GRM2: variants seen among roughly 807,000 people sequenced by gnomAD.
GRM2 encodes glutamate metabotropic receptor 2.
GRM2 carries 35 observed loss-of-function variants against 60.4 expected under a neutral mutation model. The observed-to-expected ratio is 0.58, with a 90% CI of 0.44 to 0.77. GRM2 has a LOEUF of 0.77. GRM2 is among the 30% of genes least tolerant of loss of function. The pLI is 0.00. For synonymous variants in GRM2, 437 were observed against 484.1 expected (o/e 0.90, Z 1.28); for missense variants, 925 against 1,199.5 (o/e 0.77, Z 3.38).
In GRM2 at chr3:51,717,552, C is replaced by T; in HGVS notation, c.2365-85C>T. ...AGTGTTGGATGCTTAGTCTCCCCCA[C>T]TCCCTCCCCCACAGATCAGGCAGGG... On this transcript the variant is annotated intron_variant, in intron 4 of 5. Coordinates refer to ENST00000395052, the MANE Select transcript of GRM2 (RefSeq NM_000839.5). This position sits in a 1 kb window ranked among gnomAD's most constrained non-coding sequence, Gnocchi z 6.0. 1.8e-6 allele frequency: 2 copies of T among 1,089,744 alleles called. No individual in the cohort carries two copies. Among genetic ancestry groups the T allele is most frequent in the Non-Finnish European group, 2.7e-6 (2 of 735,346 alleles). 67.5% of individuals were successfully genotyped at this position (1,089,744 alleles called of 1,614,324 possible).
chr3:51,712,364 G>A lies in GRM2; in HGVS notation c.451-109G>A. The A allele has an allele frequency of 1.3e-6, 1 of 750,986 alleles. No individual in the cohort carries two copies. Among genetic ancestry groups the A allele is most frequent in the Non-Finnish European group, 2.3e-6 (1 of 430,918 alleles). The allele number at this position is 750,986 out of a possible 1,614,324, so 46.5% of individuals were successfully genotyped here. Reference sequence around the variant, plus strand: ...AGGGCTTTAGAGAGGGAGCCTTTAGGCCTGACCTTGTGGACACTTGACACC... The same window carrying A: ...AGGGCTTTAGAGAGGGAGCCTTTAGACCTGACCTTGTGGACACTTGACACC... On this transcript the variant is annotated intron_variant, in intron 2 of 5. Transcript: ENST00000395052. The surrounding 1 kb of genome is among the most constrained non-coding windows in gnomAD (Gnocchi z 5.3).
At position 51,709,554 on chromosome 3, in the gene GRM2, G is replaced by A. The variant is rs1577551947; in HGVS notation, c.450+121G>A. 4 of 688,258 alleles carry A rather than the reference G, an allele frequency of 5.8e-6. No homozygotes were observed. The East Asian group carries it at 1.1e-4, about 19-fold the overall frequency. The allele number at this position is 688,258 out of a possible 1,614,324, so 42.6% of individuals were successfully genotyped here. A position where few individuals can be genotyped will look rare whatever the true frequency, so the allele number is the denominator to read the frequency against. On this transcript the variant is annotated intron_variant, in intron 2 of 5. Coordinates refer to ENST00000395052, the MANE Select transcript of GRM2 (RefSeq NM_000839.5). ...TGGAAGGGAAACTAGAAGCTTCCTTGCAGTAGCTTTTACAGAAGCTAAGAA... is the reference window on the plus strand; with the variant it reads ...TGGAAGGGAAACTAGAAGCTTCCTTACAGTAGCTTTTACAGAAGCTAAGAA...
rs1371252465 is a variant in GRM2, at chr3:51,712,450, T to C, written c.451-23T>C. The C allele has an allele frequency of 6.6e-7, 1 of 1,505,216 alleles. No individual in the cohort carries two copies. The highest frequency in any genetic ancestry group is 1.4e-5 in the African/African-American group (1 of 72,872). 93.2% of individuals were successfully genotyped at this position (1,505,216 alleles called of 1,614,324 possible). A position where few individuals can be genotyped will look rare whatever the true frequency, so the allele number is the denominator to read the frequency against. On this transcript the variant is annotated intron_variant, in intron 2 of 5. Coordinates refer to ENST00000395052, the MANE Select transcript of GRM2 (RefSeq NM_000839.5). The surrounding 1 kb of genome is among the most constrained non-coding windows in gnomAD (Gnocchi z 5.3). ...AGTGTTTGATCTGACCGCTGATCTTTGCCTTCTCTACTCCTCCCCCAGGTG... is the reference window on the plus strand; with the variant it reads ...AGTGTTTGATCTGACCGCTGATCTTCGCCTTCTCTACTCCTCCCCCAGGTG...
chr3:51,714,978 G>A (rs1355482147), intron 3 of GRM2, 84 bp from the exon 4 acceptor site: 2 of 795,472 alleles, frequency 2.5e-6, no homozygotes, highest in Non-Finnish European at 4.1e-6. Flanking sequence ...TCTGGCATTT[G>A]GGTTCCATGT....
chr3:51,709,551 C>A, intron 2 of GRM2, 118 bp downstream of exon 2: 1 of 687,848 alleles, frequency 1.5e-6, no homozygotes, highest in South Asian at 2.1e-5. Context: ...TAGAAGCTTC[C>A]TTGCAGTAGC....
chr3:51,713,171 T>C lies in GRM2; in HGVS notation c.1149T>C (p.Asn383=). ...EQESKIMFVV[N]AVYAMAHALH... ...AGTCCAAGATCATGTTTGTGGTCAA[T>C]GCAGTGTACGCCATGGCCCATGCGC... is the stretch of plus-strand genomic sequence containing the variant. Residue 383 remains asparagine, a synonymous_variant, in exon 3 of 6, where the codon AAT becomes AAC. Coordinates refer to ENST00000395052, the MANE Select transcript of GRM2 (RefSeq NM_000839.5). This position sits in a 1 kb window ranked among gnomAD's most constrained non-coding sequence, Gnocchi z 4.8. The C allele has an allele frequency of 6.2e-6, 10 of 1,613,192 alleles. No homozygotes were observed. The highest frequency in any genetic ancestry group is 8.5e-6 in the Non-Finnish European group (10 of 1,180,028).
chr3:51,708,886 T>C lies in GRM2; in HGVS notation c.-98T>C. 1.1e-6 allele frequency: 1 copy of C among 897,148 alleles called. No homozygotes were observed. The allele number at this position is 897,148 out of a possible 1,614,324, so 55.6% of individuals were successfully genotyped here. ...TCGCATCTCTCTTCTTGTCTGTCCT[T>C]TCCTGGTCCCTGTTTCCTCCTCTCT... On this transcript the variant is annotated 5_prime_UTR_variant, in exon 2 of 6. Coordinates refer to ENST00000395052, the MANE Select transcript of GRM2 (RefSeq NM_000839.5).
chr3:51,709,533 A>C, intron 2 of GRM2, 100 bp downstream of exon 2: 1 of 822,460 alleles, frequency 1.2e-6, no homozygotes, highest in South Asian at 1.9e-5. Context: ...GTGAATTGGA[A>C]GGGAAACTAG....
chr3:51,709,497 T>C, intron 2 of GRM2, 64 bp downstream of exon 2: 1 of 1,193,520 alleles, frequency 8.4e-7, no homozygotes, highest in East Asian at 2.6e-5. Context: ...CCAGAATTCC[T>C]GCTGAAAAGG....
At chr3:51,709,561 C>G in intron 2 of GRM2, 128 bp downstream of exon 2, 1 of 658,502 alleles carries the variant, frequency 1.5e-6, no homozygotes, top group East Asian at 2.8e-5. Flanking sequence ...CTTGCAGTAG[C>G]TTTTACAGAA....
Position 51,717,569 on chromosome 3 carries a change from C to A in GRM2, c.2365-68C>A. On this transcript the variant is annotated intron_variant, in intron 4 of 5. Coordinates refer to ENST00000395052, the MANE Select transcript of GRM2 (RefSeq NM_000839.5). The surrounding 1 kb of genome is among the most constrained non-coding windows in gnomAD (Gnocchi z 6.0). ...CTCCCCCACTCCCTCCCCCACAGATCAGGCAGGGGGTCCTGGGGTCAGGCC... is the reference window on the plus strand; with the variant it reads ...CTCCCCCACTCCCTCCCCCACAGATAAGGCAGGGGGTCCTGGGGTCAGGCC... The A allele has an allele frequency of 7.8e-7, 1 of 1,284,994 alleles. No homozygotes were observed. Among genetic ancestry groups the A allele is most frequent in the Non-Finnish European group, 1.1e-6 (1 of 902,000 alleles). 79.6% of individuals were successfully genotyped at this position (1,284,994 alleles called of 1,614,324 possible). A position where few individuals can be genotyped will look rare whatever the true frequency, so the allele number is the denominator to read the frequency against.
chr3:51,710,109 C>A (rs1198136932), intron 2 of GRM2, among the ~76,000 whole-genome samples: 1 of 151,958 alleles, frequency 6.6e-6, no homozygotes, highest in Non-Finnish European at 1.5e-5. Context: ...CCTGCCTCAG[C>A]CTCCCAAGTA....
At chr3:51,707,620 TG>T (rs1217689237) in intron 1 of GRM2, 1 of 153,264 alleles carries the variant, frequency 6.5e-6, no homozygotes, top group Non-Finnish European at 1.5e-5. Context: ...CCATCTGTGC[TG>T]GTCTTCCTCC....
At chr3:51,714,043 C>T in intron 3 of GRM2, 1 of 443,486 alleles carries the variant, frequency 2.3e-6, no homozygotes, top group South Asian at 1.6e-5. Flanking sequence ...TGCAGATCAT[C>T]ACTATGCTTC....
Position 51,718,090 on chromosome 3 carries a change from A to G in GRM2, c.2597A>G (p.Asp866Gly), listed in dbSNP as rs1488392860. 5 of 1,613,984 alleles carry G rather than the reference A, an allele frequency of 3.1e-6. No homozygotes were observed. In the East Asian group the frequency reaches 8.9e-5, roughly 29 times the overall value. Residue 866 changes from aspartate to glycine, a missense_variant, in exon 6 of 6, where the codon GAC becomes GGC. Asp to Gly is a moderately conservative substitution (Grantham distance 94, BLOSUM62 -1). Transcript: ENST00000395052. This position sits in a 1 kb window ranked among gnomAD's most constrained non-coding sequence, Gnocchi z 4.2. The part of the protein sequence containing the change: ...PTVCNGREVV[D>G]STTSSL ...GTTTGCAATGGCCGTGAGGTGGTGG[A>G]CTCGACAACGTCATCGCTTTGAAGA...
At position 51,710,975 on chromosome 3, in the gene GRM2, G is replaced by A. The variant is rs75186716; in HGVS notation, c.451-1498G>A. ...CTTGGCTTGGCCTCAGCTTCCTTTC[G>A]GAGAGTGGCTGAGGGCATTGCCGAG... is the stretch of plus-strand genomic sequence containing the variant. On this transcript the variant is annotated intron_variant, in intron 2 of 5. Transcript: ENST00000395052. Among the ~76,000 whole-genome samples, 597 of 152,356 alleles carry A rather than the reference G, an allele frequency of 3.9e-3. 6 individuals carry two copies. The highest frequency in any genetic ancestry group is 0.013 in the African/African-American group (561 of 41,584).
chr3:51,715,386 C>T lies in GRM2; in HGVS notation c.1613C>T (p.Ala538Val). 1 of 1,613,672 alleles carries T rather than the reference C, an allele frequency of 6.2e-7. No homozygotes were observed. Among genetic ancestry groups the T allele is most frequent in the Non-Finnish European group, 8.5e-7 (1 of 1,180,040 alleles). ...YEYRLDEFTCADCGLGYWPNA... is the reference protein window; with the variant it reads ...YEYRLDEFTCVDCGLGYWPNA... ...TACCGATTGGACGAATTCACTTGCG[C>T]TGATTGTGGCCTGGGCTACTGGCCC... The change falls in exon 4 of 6, where the codon GCT (alanine) becomes GTT (valine). Residue 538 changes from alanine (A) to valine (V), a missense_variant. Transcript: ENST00000395052. The surrounding 1 kb of genome is among the most constrained non-coding windows in gnomAD (Gnocchi z 9.0).
At position 51,717,827 on chromosome 3, in the gene GRM2, C is replaced by T. The variant is rs748808581; in HGVS notation, c.2545+10C>T. On this transcript the variant is annotated intron_variant, in intron 5 of 5. Coordinates refer to ENST00000395052, the MANE Select transcript of GRM2 (RefSeq NM_000839.5). The surrounding 1 kb of genome is among the most constrained non-coding windows in gnomAD (Gnocchi z 6.0). ...TCCAGCCTTGGCCAAGGTCAGTGTC[C>T]TAAGCAGCCCTCTCTGCCTGTTCCC... The T allele has an allele frequency of 3.1e-6, 5 of 1,611,934 alleles. No individual in the cohort carries two copies. The highest frequency in any genetic ancestry group is 2.5e-6 in the Non-Finnish European group (3 of 1,178,488).
At position 51,715,055 on chromosome 3, in the gene GRM2, A is replaced by G; in HGVS notation, c.1289-7A>G. On this transcript the variant is annotated splice_region_variant and splice_polypyrimidine_tract_variant and intron_variant, in intron 3 of 5. Transcript: ENST00000395052. This position sits in a 1 kb window ranked among gnomAD's most constrained non-coding sequence, Gnocchi z 9.0. ...CAACCTTCTCTTCCTTCCCTCCCCC[A>G]TCCTAGCCCCCTTTCGCCCAGCTGA... is the stretch of plus-strand genomic sequence containing the variant. 3 of 1,521,046 alleles carry G rather than the reference A, an allele frequency of 2.0e-6. No individual in the cohort carries two copies. In the South Asian group the frequency reaches 3.8e-5, roughly 19 times the overall value. The allele number at this position is 1,521,046 out of a possible 1,614,324, so 94.2% of individuals were successfully genotyped here. A position where few individuals can be genotyped will look rare whatever the true frequency, so the allele number is the denominator to read the frequency against.
Sources: allele counts gnomAD v4.1 joint callset (sites outside exome capture counted in the v4.1 genomes callset), GRCh38; gene constraint gnomAD v4.1.1; non-coding constraint Gnocchi (gnomAD v3.1); transcripts MANE v1.5; gene names NCBI Gene and HGNC (gene_info 2026-07-23, HGNC 2026-07-21).